The following ZNF223 variants were observed in gnomAD, a reference collection of about 807,000 sequenced individuals.
ZNF223 encodes Homo sapiens zinc finger protein 223.
ZNF223 carries 9 observed loss-of-function variants against 12.3 expected under a neutral mutation model. That is an observed-to-expected ratio of 0.73 (90% CI 0.44 to 1.28). The LOEUF is 1.28. Among genes scored for constraint, ZNF223 ranks in the 50% most tolerant of loss-of-function variants. The pLI is 0.00. For synonymous variants in ZNF223, 171 were observed against 195.2 expected (o/e 0.88, Z 1.03); for missense variants, 506 against 579.0 (o/e 0.87, Z 1.29).
intron 1 of ZNF223, among the ~76,000 whole-genome samples, chr19:44,054,782 C>T (rs1201560814): frequency 2.6e-5 from 4 of 152,208 alleles, no homozygotes; most frequent in African/African-American, 9.6e-5. Context: ...CCAGACATTT[C>T]ATATAAATGG....
At chr19:44,058,111 C>T (rs1279376605) in intron 2 of ZNF223, among the ~76,000 whole-genome samples, 1 of 152,150 alleles carries the variant, frequency 6.6e-6, no homozygotes, top group Non-Finnish European at 1.5e-5. Flanking sequence ...CATCTTCCTT[C>T]CAGGTGAGAG....
intron 4 of ZNF223, among the ~76,000 whole-genome samples, chr19:44,061,632 C>G (rs1002730598): frequency 2.0e-5 from 3 of 152,244 alleles, no homozygotes; most frequent in African/African-American, 7.2e-5. Context: ...CTACTTTCTG[C>G]TTAGCTGATT....
intron 4 of ZNF223, among the ~76,000 whole-genome samples, chr19:44,062,006 A>C (rs777324651): frequency 6.6e-6 from 1 of 152,154 alleles, no homozygotes; most frequent in Non-Finnish European, 1.5e-5. Flanking sequence ...AATCTCTACA[A>C]GGTGTTTATC....
intron 1 of ZNF223, among the ~76,000 whole-genome samples, chr19:44,053,933 A>C (rs1045987875): frequency 1.2e-4 from 18 of 152,210 alleles, no homozygotes; most frequent in African/African-American, 4.3e-4. Flanking sequence ...CCTTGAGTCA[A>C]TACAACACAT....
chr19:44,056,361 CAAAAAA>C (rs1227362311), intron 2 of ZNF223, among the ~76,000 whole-genome samples: 1,185 of 78,870 alleles, frequency 0.015, 5 homozygotes, highest in Non-Finnish European at 0.021. Flanking sequence ...ACTAAAAATA[CAAAAAA>C]AAAAAAAAAA....
Position 44,066,675 on chromosome 19 carries a change from A to G in ZNF223, c.847A>G (p.Thr283Ala). Residue 283 changes from threonine to alanine, a missense_variant, in exon 5 of 5, where the codon ACA (threonine) becomes GCA (alanine). Transcript: ENST00000434772. ...FQLQKHQRIH[T>A]GEKPFKCEIC... ...GCTTCAGAAACATCAGAGAATTCAC[A>G]CAGGGGAGAAGCCATTCAAATGTGA... is the stretch of plus-strand genomic sequence containing the variant. 1 of 1,614,230 alleles carries G rather than the reference A, an allele frequency of 6.2e-7. No homozygotes were observed. Among genetic ancestry groups the G allele is most frequent in the South Asian group, 1.1e-5 (1 of 91,082 alleles).
chr19:44,055,709 CA>C (rs1272427735), intron 2 of ZNF223, among the ~76,000 whole-genome samples: 4 of 151,952 alleles, frequency 2.6e-5, no homozygotes, highest in Non-Finnish European at 5.9e-5. Context: ...GCGGAGGTTG[CA>C]GTGAGCTGAG....
In ZNF223 at chr19:44,057,967, G is replaced by T. The variant is rs535851018; in HGVS notation, c.16-2488G>T. On this transcript the variant is annotated intron_variant, in intron 2 of 4. Transcript: ENST00000434772. ...TATGAGCTGGCCATCCAGGGCTCAAGAAAGCTACCTGGAGCAGATGGAATC... is the reference window on the plus strand; with the variant it reads ...TATGAGCTGGCCATCCAGGGCTCAATAAAGCTACCTGGAGCAGATGGAATC... 2.0e-5 allele frequency among the ~76,000 whole-genome samples: 3 copies of T among 152,306 alleles called. No individual in the cohort carries two copies. The South Asian group carries it at 6.2e-4, about 32-fold the overall frequency.
In ZNF223 at chr19:44,067,443, G is replaced by A. The variant is rs139461616; in HGVS notation, c.*166G>A. 5,877 of 879,510 alleles carry A rather than the reference G, an allele frequency of 6.7e-3. 27 individuals are homozygous for A. The highest frequency in any genetic ancestry group is 9.2e-3 in the Non-Finnish European group (5,085 of 554,984). 54.5% of individuals were successfully genotyped at this position (879,510 alleles called of 1,614,324 possible). The stretch of plus-strand genomic sequence containing the variant: ...AGCAGTTTGAAAATAAATTGTTGTC[G>A]ATGATAGTCACCTTTAGTGCTGCAG... On this transcript the variant is annotated 3_prime_UTR_variant, in exon 5 of 5. Coordinates refer to ENST00000434772, the MANE Select transcript of ZNF223 (RefSeq NM_013361.6).
chr19:44,067,146 C>G lies in ZNF223; in HGVS notation c.1318C>G (p.Arg440Gly). The change falls in exon 5 of 5, where the codon CGG (arginine) becomes GGG (glycine). Residue 440 changes from arginine to glycine, a missense_variant. Arg to Gly is a moderately radical substitution (Grantham distance 125, BLOSUM62 -2). Coordinates refer to ENST00000434772, the MANE Select transcript of ZNF223 (RefSeq NM_013361.6). ...CEDCGKKLVY[R>G]SYRKDQQKNH... ...GGATTGTGGAAAGAAGCTTGTATAC[C>G]GGTCATACCGTAAAGACCAACAAAA... 1 of 1,613,466 alleles carries G rather than the reference C, an allele frequency of 6.2e-7. No homozygotes were observed. Among genetic ancestry groups the G allele is most frequent in the Non-Finnish European group, 8.5e-7 (1 of 1,179,886 alleles).
chr19:44,067,111 T>G lies in ZNF223; in HGVS notation c.1283T>G (p.Phe428Cys), dbSNP rs145131242. 1.5e-3 allele frequency: 2,468 copies of G among 1,613,420 alleles called. 4 individuals are homozygous for G. The highest frequency in any genetic ancestry group is 5.1e-3 in the Middle Eastern group (31 of 6,060). ...HKRLHCRKKP[F>C]KCEDCGKKLV... ...AGACTCCATTGCCGAAAAAAACCATTCAAATGTGAGGATTGTGGAAAGAAG... is the reference window on the plus strand; with the variant it reads ...AGACTCCATTGCCGAAAAAAACCATGCAAATGTGAGGATTGTGGAAAGAAG... The change falls in exon 5 of 5, where the codon TTC becomes TGC. Residue 428 changes from phenylalanine to cysteine, a missense_variant. Coordinates refer to ENST00000434772, the MANE Select transcript of ZNF223 (RefSeq NM_013361.6).
intron 2 of ZNF223, among the ~76,000 whole-genome samples, 197 bp downstream of exon 2, chr19:44,055,388 A>G (rs12983129): frequency 0.025 from 3,774 of 151,856 alleles, 155 homozygotes; most frequent in African/African-American, 0.087. Context: ...TTCTGACCTC[A>G]AGTGATCTGC....
At chr19:44,064,432 C>T (rs1207612810) in intron 4 of ZNF223, among the ~76,000 whole-genome samples, 3 of 152,068 alleles carry the variant, frequency 2.0e-5, no homozygotes, top group Non-Finnish European at 4.4e-5. Context: ...TTCAGATAAC[C>T]AACTTATCAT....
chr19:44,067,597 CT>C lies in ZNF223; in HGVS notation c.*325del. 1 of 394,626 alleles carries C rather than the reference CT, an allele frequency of 2.5e-6. No individual in the cohort carries two copies. The highest frequency in any genetic ancestry group is 4.9e-6 in the Non-Finnish European group (1 of 205,028). 24.4% of individuals were successfully genotyped at this position (394,626 alleles called of 1,614,324 possible). On this transcript the variant is annotated 3_prime_UTR_variant, in exon 5 of 5. Coordinates refer to ENST00000434772, the MANE Select transcript of ZNF223 (RefSeq NM_013361.6). Reference sequence around the variant, plus strand: ...GTTCTCACTACTTCTAAGAAATCAGCTTTTTAAGCTTCCCCATGTGATTGAG... The same window carrying C: ...GTTCTCACTACTTCTAAGAAATCAGCTTTTAAGCTTCCCCATGTGATTGAG...
intron 4 of ZNF223, among the ~76,000 whole-genome samples, chr19:44,062,459 G>A (rs1976854806): frequency 6.6e-6 from 1 of 151,890 alleles, no homozygotes; most frequent in African/African-American, 2.4e-5. Context: ...TATTTTTTAT[G>A]TCCTGTTGGT....
At position 44,066,465 on chromosome 19, in the gene ZNF223, T is replaced by A; in HGVS notation, c.637T>A (p.Phe213Ile). The A allele has an allele frequency of 6.2e-7, 1 of 1,614,216 alleles. No homozygotes were observed. Among genetic ancestry groups the A allele is most frequent in the Middle Eastern group, 1.6e-4 (1 of 6,062 alleles). ...TAAGTGTGACGTGTGTGGTAAGGAA[T>A]TCAGTCAGAGTTTACATCTGCAAAC... Reference protein sequence around the residue: ...LFKCDVCGKEFSQSLHLQTHQ... With the variant: ...LFKCDVCGKEISQSLHLQTHQ... The change falls in exon 5 of 5, where the codon TTC becomes ATC. Residue 213 changes from phenylalanine to isoleucine, a missense_variant. Coordinates refer to ENST00000434772, the MANE Select transcript of ZNF223 (RefSeq NM_013361.6).
At chr19:44,062,260 TC>T (rs2147476499) in intron 4 of ZNF223, among the ~76,000 whole-genome samples, 1 of 152,302 alleles carries the variant, frequency 6.6e-6, no homozygotes, top group South Asian at 2.1e-4. Context: ...ATGTTCAAGT[TC>T]CTGATATATG....
chr19:44,053,707 T>C lies in ZNF223; in HGVS notation c.-68-1402T>C, dbSNP rs929102341. On this transcript the variant is annotated intron_variant, in intron 1 of 4. Coordinates refer to ENST00000434772, the MANE Select transcript of ZNF223 (RefSeq NM_013361.6). ...TGTCGGGCTGGGGGACGGTCAGGTC[T>C]TTCCCTTCCCACGAGGCCATCTCTC... 5.3e-5 allele frequency among the ~76,000 whole-genome samples: 8 copies of C among 152,282 alleles called. No homozygotes were observed. In the East Asian group the frequency reaches 1.5e-3, roughly 29 times the overall value.
At chr19:44,063,113 C>G (rs1043003000) in intron 4 of ZNF223, among the ~76,000 whole-genome samples, 1 of 152,218 alleles carries the variant, frequency 6.6e-6, no homozygotes, top group Non-Finnish European at 1.5e-5. Context: ...CCTGAGACCC[C>G]TTCCCATCTC....
Sources: gnomAD v4.1 joint callset for allele counts (sites outside exome capture counted in the v4.1 genomes callset) on GRCh38, gnomAD v4.1.1 for gene constraint, MANE v1.5 for transcripts, NCBI Gene and HGNC (gene_info 2026-07-23, HGNC 2026-07-21) for gene names.